NOL4L: variants seen among roughly 807,000 people sequenced by gnomAD.
NOL4L encodes nucleolar protein 4-like.
In NOL4L, 7 loss-of-function variants were observed where a neutral mutation model predicts 64.5. The observed-to-expected ratio is 0.11, with a 90% confidence interval of 0.06 to 0.20. NOL4L has a LOEUF of 0.20. NOL4L is among the 10% of genes least tolerant of loss of function. The probability of loss-of-function intolerance (pLI) is 1.00; values close to 1 mark genes in which losing one functional copy is unlikely to be tolerated. For missense variants in NOL4L, 680 were observed against 967.1 expected, an observed-to-expected ratio of 0.70 and a Z score of 3.94; for synonymous variants, 413 against 401.0, an observed-to-expected ratio of 1.03 and a Z score of -0.36.
chr20:32,490,346 C>CG (rs2016418235), intron 4 of NOL4L, among the ~76,000 whole-genome samples: 1 of 151,746 alleles, frequency 6.6e-6, no homozygotes, highest in Non-Finnish European at 1.5e-5. Context: ...TCCTGGGGGA[C>CG]TGGGGGGTGA....
intron 5 of NOL4L, among the ~76,000 whole-genome samples, chr20:32,457,302 G>C (rs1048585792): frequency 6.6e-6 from 1 of 152,180 alleles, no homozygotes; most frequent in Non-Finnish European, 1.5e-5. Flanking sequence ...GAAGCTGCAC[G>C]GGAACTCCCG....
In NOL4L at chr20:32,461,425, T is replaced by C. The variant is rs1453607767; in HGVS notation, c.842-5030A>G. Reference sequence around the variant, plus strand: ...TGACCCCTCTACCTTTCTTTTCTTTTTTTTTTTTTTTTTTTGAGACGGAGT... The same window carrying C: ...TGACCCCTCTACCTTTCTTTTCTTTCTTTTTTTTTTTTTTTGAGACGGAGT... On this transcript the variant is annotated intron_variant, in intron 5 of 10. Transcript: ENST00000621426. Among the ~76,000 whole-genome samples, 25 of 145,510 alleles carry C rather than the reference T, an allele frequency of 1.7e-4. 1 individual carries two copies. The highest frequency in any genetic ancestry group is 1.4e-4 in the Admixed American group (2 of 14,780).
chr20:32,527,785 G>A lies in NOL4L; in HGVS notation c.450C>T (p.His150=), dbSNP rs533955200. ...CTCGGTAGGTTTTCTTCTGCCCAGC[G>A]TGCTTGGGGGCTTTGCCTGGCTCCG... ...SSAEPGKAPK[H]AGQKKTYRAI... Residue 150 remains histidine (H), a synonymous_variant, in exon 2 of 11, where the codon CAC becomes CAT. Transcript: ENST00000621426. The A allele has an allele frequency of 1.3e-4, 206 of 1,550,124 alleles. 1 individual carries two copies. The South Asian group carries it at 1.7e-3, about 13-fold the overall frequency.
chr20:32,574,765 C>T (rs1467810528), intron 1 of NOL4L, among the ~76,000 whole-genome samples: 1 of 149,944 alleles, frequency 6.7e-6, no homozygotes, highest in Non-Finnish European at 1.5e-5. Flanking sequence ...CGATGACTCC[C>T]GCGCTGGCCC....
intron 4 of NOL4L, among the ~76,000 whole-genome samples, chr20:32,502,571 G>A (rs899919984): frequency 4.7e-5 from 7 of 150,264 alleles, no homozygotes; most frequent in African/African-American, 1.2e-4. Context: ...CCTAGGTGAC[G>A]GTGAGACTCC....
chr20:32,454,002 T>C (rs1304351533), intron 6 of NOL4L: 2 of 541,840 alleles, frequency 3.7e-6, no homozygotes, highest in South Asian at 4.5e-5. Context: ...ACTGCAATAG[T>C]GTATGCAGAG....
At chr20:32,481,877 C>G (rs2015734418) in intron 4 of NOL4L, among the ~76,000 whole-genome samples, 1 of 146,022 alleles carries the variant, frequency 6.8e-6, no homozygotes, top group Non-Finnish European at 1.5e-5. Flanking sequence ...TCCCATCACA[C>G]AGATGGCTCT....
At chr20:32,482,967 C>A (rs2015831468) in intron 4 of NOL4L, among the ~76,000 whole-genome samples, 1 of 151,700 alleles carries the variant, frequency 6.6e-6, no homozygotes, top group African/African-American at 2.4e-5. Context: ...CACAATACCG[C>A]GGCGCTGCGC....
intron 4 of NOL4L, chr20:32,475,270 G>A: frequency 2.0e-6 from 2 of 985,464 alleles, no homozygotes; most frequent in Non-Finnish European, 2.4e-6. Context: ...GGACGTTTCT[G>A]TCTTCCTCCT....
intron 1 of NOL4L, among the ~76,000 whole-genome samples, chr20:32,544,743 A>C (rs2018709141): frequency 6.6e-6 from 1 of 152,138 alleles, no homozygotes; most frequent in Non-Finnish European, 1.5e-5. Flanking sequence ...ACGGCTTGTC[A>C]ATGGCAGAGA....
At chr20:32,523,895 C>A (rs1454964148) in intron 2 of NOL4L, among the ~76,000 whole-genome samples, 2 of 152,180 alleles carry the variant, frequency 1.3e-5, no homozygotes, top group Admixed American at 6.5e-5. Flanking sequence ...CATTTCACTC[C>A]CCAACTCAGA....
chr20:32,571,191 T>C (rs1979727188), intron 1 of NOL4L, among the ~76,000 whole-genome samples: 1 of 152,042 alleles, frequency 6.6e-6, no homozygotes, highest in Admixed American at 6.5e-5. Context: ...GGTTTTTTTG[T>C]TTGTTTGTTT....
chr20:32,575,740 G>A (rs1980057684), intron 1 of NOL4L, among the ~76,000 whole-genome samples: 1 of 152,190 alleles, frequency 6.6e-6, no homozygotes, highest in South Asian at 2.1e-4. Flanking sequence ...AGAAAGTAGT[G>A]AAATACACAT....
chr20:32,470,115 G>C (rs893227909), intron 5 of NOL4L, among the ~76,000 whole-genome samples: 2 of 152,268 alleles, frequency 1.3e-5, no homozygotes, highest in African/African-American at 4.8e-5. Flanking sequence ...TGCAGGCCCA[G>C]CGAGCAGACC....
chr20:32,452,308 A>T lies in NOL4L; in HGVS notation c.1750T>A (p.Tyr584Asn). 6.2e-7 allele frequency: 1 copy of T among 1,608,502 alleles called. No individual in the cohort carries two copies. Among genetic ancestry groups the T allele is most frequent in the Non-Finnish European group, 8.5e-7 (1 of 1,177,056 alleles). ...VYANGGLNYS[Y>N]RGYGALSSNL... Reference sequence around the variant, plus strand: ...CTGCTCAAGGCCCCGTACCCGCGGTAACTGTAGTTGAGGCCGCCGTTGGCG... The same window carrying T: ...CTGCTCAAGGCCCCGTACCCGCGGTTACTGTAGTTGAGGCCGCCGTTGGCG... The change falls in exon 10 of 11, where the codon TAC becomes AAC. Residue 584 changes from tyrosine (Y) to asparagine (N), a missense_variant. Physicochemically the swap from Tyr to Asn is moderately radical, Grantham distance 143. Coordinates refer to ENST00000621426, the MANE Select transcript of NOL4L (RefSeq NM_001256798.2).
chr20:32,511,315 C>T, intron 4 of NOL4L, 32 bp downstream of exon 4: 1 of 1,430,642 alleles, frequency 7.0e-7, no homozygotes. Flanking sequence ...CAGGACGCCT[C>T]CAGGTGGGGT....
chr20:32,471,139 C>T lies in NOL4L; in HGVS notation c.841+3462G>A, dbSNP rs376905504. On this transcript the variant is annotated intron_variant, in intron 5 of 10. Transcript: ENST00000621426. The stretch of plus-strand genomic sequence containing the variant: ...TTTCAGGACAAGCAGACACTCACCC[C>T]GGTAGAACCTCAGAGGCAAGCTCCC... Among the ~76,000 whole-genome samples the T allele has an allele frequency of 3.5e-4, 53 of 152,280 alleles. No homozygotes were observed. The East Asian group carries it at 4.8e-3, about 14-fold the overall frequency.
intron 6 of NOL4L, among the ~76,000 whole-genome samples, chr20:32,455,591 A>G (rs2013411837): frequency 6.6e-6 from 1 of 152,164 alleles, no homozygotes; most frequent in African/African-American, 2.4e-5. Flanking sequence ...GGCCCCAGGA[A>G]GCAGGGGGGA....
intron 4 of NOL4L, among the ~76,000 whole-genome samples, chr20:32,481,574 G>GA: frequency 6.6e-6 from 1 of 152,162 alleles, no homozygotes; most frequent in Non-Finnish European, 1.5e-5. Context: ...AGGCCGCAGT[G>GA]AGCTCTGTTC....
Sources: allele counts gnomAD v4.1 joint callset (sites outside exome capture counted in the v4.1 genomes callset), GRCh38; gene constraint gnomAD v4.1.1; transcripts MANE v1.5; gene names NCBI Gene and HGNC (gene_info 2026-07-23, HGNC 2026-07-21).